CHLSN: variants seen among roughly 807,000 people sequenced by gnomAD.
The protein encoded by CHLSN is protein cholesin.
At chr7:982,426 C>A in the CHLSN span, among the ~76,000 whole-genome samples, 2 of 152,238 alleles carry the variant, frequency 1.3e-5, no homozygotes, top group Non-Finnish European at 2.9e-5. Flanking sequence ...CAGGCCCGGC[C>A]GCTTCTGCTG....
At chr7:1,016,482 AGCACAC>A in the CHLSN span, among the ~76,000 whole-genome samples, 4 of 136,102 alleles carry the variant, frequency 2.9e-5, no homozygotes, top group African/African-American at 1.1e-4. Context: ...GCAGCACAGC[AGCACAC>A]AGCAGCGCAC....
chr7:1,119,242 T>C, the CHLSN span, among the ~76,000 whole-genome samples: 2 of 151,878 alleles, frequency 1.3e-5, no homozygotes, highest in Non-Finnish European at 2.9e-5. Flanking sequence ...AATGAAACTG[T>C]ATCTCCACCT....
chr7:1,125,126 C>G, the CHLSN span, among the ~76,000 whole-genome samples: 13,325 of 152,276 alleles, frequency 0.088, 1,392 homozygotes, highest in African/African-American at 0.25. Flanking sequence ...TTCACACCAC[C>G]TTCCGAGAGC....
At chr7:1,028,695 C>T in the CHLSN span, 1 of 654,606 alleles carries the variant, frequency 1.5e-6, no homozygotes, top group Non-Finnish European at 1.9e-6. Flanking sequence ...TCTCCCCCAT[C>T]TGCCTCCATT....
At chr7:1,136,035 T>C in the CHLSN span, among the ~76,000 whole-genome samples, 1 of 119,100 alleles carries the variant, frequency 8.4e-6, no homozygotes, top group African/African-American at 3.5e-5. Context: ...TAAATATATG[T>C]ATAAATATAT....
At chr7:1,121,131 G>A in the CHLSN span, among the ~76,000 whole-genome samples, 1 of 152,232 alleles carries the variant, frequency 6.6e-6, no homozygotes, top group African/African-American at 2.4e-5. Context: ...CGGGCTTCAG[G>A]GAGACCACAC....
the CHLSN span, among the ~76,000 whole-genome samples, chr7:1,088,589 G>A: frequency 3.3e-5 from 5 of 152,180 alleles, no homozygotes; most frequent in South Asian, 6.2e-4. The surrounding 1 kb of genome is among the most constrained non-coding windows in gnomAD (Gnocchi z 4.5). Flanking sequence ...ATTCCGTCAC[G>A]TTCTGTCCCA....
chr7:1,138,098 G>A, the CHLSN span: 1 of 150,496 alleles, frequency 6.6e-6, no homozygotes, highest in South Asian at 2.1e-4. Context: ...CCACGTGGAG[G>A]GGGCGGAGCC....
chr7:1,057,455 G>T, the CHLSN span: 1 of 682,216 alleles, frequency 1.5e-6, no homozygotes, highest in East Asian at 2.5e-5. Flanking sequence ...GCTTTGGGAC[G>T]GGACGCGAGC....
At chr7:1,048,440 A>T in the CHLSN span, among the ~76,000 whole-genome samples, 6 of 152,046 alleles carry the variant, frequency 3.9e-5, no homozygotes, top group Non-Finnish European at 5.9e-5. Flanking sequence ...TCTCTCTCTC[A>T]CACACACATA....
At chr7:1,058,130 C>T in the CHLSN span, 15 of 752,320 alleles carry the variant, frequency 2.0e-5, no homozygotes, top group Non-Finnish European at 3.4e-5. Flanking sequence ...CCACCCTCTA[C>T]GCGCTGGTGC....
the CHLSN span, chr7:1,021,498 C>T: frequency 5.1e-6 from 5 of 985,454 alleles, no homozygotes; most frequent in African/African-American, 7.0e-5. Context: ...TGACAAGATG[C>T]CAGTAGTTGG....
At chr7:1,061,170 A>C in the CHLSN span, among the ~76,000 whole-genome samples, 1 of 152,166 alleles carries the variant, frequency 6.6e-6, no homozygotes, top group South Asian at 2.1e-4. Flanking sequence ...TCAATTTCTC[A>C]GTGGCTTTGG....
the CHLSN span, among the ~76,000 whole-genome samples, chr7:1,110,642 G>T: frequency 6.6e-6 from 1 of 152,236 alleles, no homozygotes; most frequent in African/African-American, 2.4e-5. Context: ...GGCCTGTGCG[G>T]CCACAGCGCT....
At chr7:1,131,890 T>C in the CHLSN span, among the ~76,000 whole-genome samples, 1 of 152,244 alleles carries the variant, frequency 6.6e-6, no homozygotes, top group African/African-American at 2.4e-5. Context: ...AGATAATGAA[T>C]GTTTGTTATG....
the CHLSN span, among the ~76,000 whole-genome samples, chr7:1,016,314 G>C: frequency 2.3e-5 from 1 of 43,780 alleles, no homozygotes; most frequent in African/African-American, 2.2e-4. Flanking sequence ...TAGCAGCACA[G>C]CAGCACACAG....
chr7:1,135,430 G>A, the CHLSN span, among the ~76,000 whole-genome samples: 2 of 151,750 alleles, frequency 1.3e-5, no homozygotes, highest in African/African-American at 4.8e-5. Flanking sequence ...CCTGACCTCT[G>A]TTTACACTGT....
At chr7:1,048,976 CAG>C in the CHLSN span, among the ~76,000 whole-genome samples, 1 of 152,254 alleles carries the variant, frequency 6.6e-6, no homozygotes, top group African/African-American at 2.4e-5. Context: ...AGCCCCAACT[CAG>C]AACATAAAAA....
chr7:1,064,615 G>A, the CHLSN span, among the ~76,000 whole-genome samples: 2 of 152,218 alleles, frequency 1.3e-5, no homozygotes, highest in African/African-American at 4.8e-5. Flanking sequence ...CACCCTGAAA[G>A]GCACCGGCAG....
Sources: gnomAD v4.1 joint callset for allele counts (sites outside exome capture counted in the v4.1 genomes callset) on GRCh38, gnomAD v4.1.1 for gene constraint, Gnocchi (gnomAD v3.1) non-coding constraint, MANE v1.5 for transcripts, NCBI Gene and HGNC (gene_info 2026-07-23, HGNC 2026-07-21) for gene names.